Variants in KCNK9 observed in about 807,000 individuals in gnomAD.
KCNK9 encodes potassium channel subfamily K member 9.
KCNK9 carries 1 observed loss-of-function variant against 10.8 expected under a neutral mutation model. The observed-to-expected ratio is 0.09, with a 90% CI of 0.03 to 0.44. The LOEUF (loss-of-function observed/expected upper bound fraction) is 0.44. KCNK9 is among the 20% of genes least tolerant of loss of function. The probability of loss-of-function intolerance (pLI) is 0.97; values close to 1 mark genes in which losing one functional copy is unlikely to be tolerated. For synonymous variants in KCNK9, 231 were observed against 222.7 expected, an observed-to-expected ratio of 1.04 and a Z score of -0.33; for missense variants, 303 against 515.0, an observed-to-expected ratio of 0.59 and a Z score of 3.98.
At chr8:139,615,252 G>A (rs188279365), downstream of KCNK9, among the ~76,000 whole-genome samples, 416 of 148,542 alleles carry the variant, frequency 2.8e-3, 6 homozygotes, top group African/African-American at 9.7e-3. Context: ...ATAAGTGTTC[G>A]CCTTCTCTGA....
intron 1 of KCNK9, among the ~76,000 whole-genome samples, chr8:139,671,836 C>G (rs1299525728): frequency 6.6e-6 from 1 of 152,216 alleles, no homozygotes; most frequent in Non-Finnish European, 1.5e-5. Flanking sequence ...GCTGGGATTA[C>G]AGGTGTGAGC....
At chr8:139,614,642 G>T (rs190517357), downstream of KCNK9, among the ~76,000 whole-genome samples, 4 of 152,318 alleles carry the variant, frequency 2.6e-5, no homozygotes, top group East Asian at 7.7e-4. Flanking sequence ...AAAACCCAGA[G>T]GGGTTGGTTC....
chr8:139,680,729 C>T (rs1163312494), intron 1 of KCNK9, among the ~76,000 whole-genome samples: 1 of 152,114 alleles, frequency 6.6e-6, no homozygotes, highest in Admixed American at 6.5e-5. Flanking sequence ...GGAAACGGGG[C>T]CCAGAGAAGG....
At chr8:139,672,612 G>T (rs1490257339) in intron 1 of KCNK9, among the ~76,000 whole-genome samples, 1 of 152,198 alleles carries the variant, frequency 6.6e-6, no homozygotes, top group Non-Finnish European at 1.5e-5. Flanking sequence ...CCCCAGGGGA[G>T]CCTGTAGCAG....
At chr8:139,603,556 G>A (rs1226209777) in intron 2 of KCNK9, among the ~76,000 whole-genome samples, 1 of 152,192 alleles carries the variant, frequency 6.6e-6, no homozygotes, top group South Asian at 2.1e-4. Flanking sequence ...TAGGGGAAAG[G>A]CCTCTGAGTA....
At chr8:139,633,831 G>A (rs1252009277) in intron 1 of KCNK9, among the ~76,000 whole-genome samples, 2 of 152,230 alleles carry the variant, frequency 1.3e-5, no homozygotes, top group Admixed American at 6.5e-5. Flanking sequence ...CTGCGAGCGT[G>A]AAGACGACGA....
intron 1 of KCNK9, among the ~76,000 whole-genome samples, chr8:139,649,162 C>G (rs1815779188): frequency 6.6e-6 from 1 of 152,168 alleles, no homozygotes; most frequent in Non-Finnish European, 1.5e-5. Flanking sequence ...GCCAGAATTG[C>G]TCACTTTCAC....
chr8:139,653,494 C>A (rs1468052980), intron 1 of KCNK9, among the ~76,000 whole-genome samples: 6 of 151,822 alleles, frequency 4.0e-5, no homozygotes, highest in Non-Finnish European at 7.4e-5. Context: ...ACTCCCCCAA[C>A]AGAGACCTCC....
chr8:139,669,520 C>T (rs909807528), intron 1 of KCNK9, among the ~76,000 whole-genome samples: 4 of 152,214 alleles, frequency 2.6e-5, no homozygotes, highest in Admixed American at 6.5e-5. Context: ...CTTCACTCAT[C>T]CATAAGAAGG....
chr8:139,656,297 G>T (rs1586669133), intron 1 of KCNK9, among the ~76,000 whole-genome samples: 1 of 152,314 alleles, frequency 6.6e-6, no homozygotes, highest in East Asian at 1.9e-4. Flanking sequence ...AGCCCATCCA[G>T]CTGGGGCTCA....
intron 1 of KCNK9, among the ~76,000 whole-genome samples, chr8:139,665,569 T>C (rs1034057323): frequency 3.3e-5 from 5 of 152,214 alleles, no homozygotes; most frequent in South Asian, 2.1e-4. Context: ...GACACTATTC[T>C]GCCAACTGTT....
At chr8:139,640,852 G>C (rs139356403) in intron 1 of KCNK9, among the ~76,000 whole-genome samples, 1 of 152,258 alleles carries the variant, frequency 6.6e-6, no homozygotes, top group Admixed American at 6.5e-5. Flanking sequence ...GGTTGCAGAC[G>C]TCTTGAGCAT....
Position 139,618,386 on chromosome 8 carries a change from T to C in KCNK9, c.997A>G (p.Lys333Glu), listed in dbSNP as rs1563716847. The C allele has an allele frequency of 6.2e-7, 1 of 1,613,940 alleles. No individual in the cohort carries two copies. The highest frequency in any genetic ancestry group is 8.5e-7 in the Non-Finnish European group (1 of 1,179,962). ...GTGCTTGGTGAGATCTCCTCGATCTTGTAAGAGATGGAGTGGAAGTAGTGG... is the reference window on the plus strand; with the variant it reads ...GTGCTTGGTGAGATCTCCTCGATCTCGTAAGAGATGGAGTGGAAGTAGTGG... ...APHYFHSISY[K>E]IEEISPSTLK... Residue 333 changes from lysine (K) to glutamate (E), a missense_variant, in exon 2 of 2, where the codon AAG becomes GAG. Physicochemically the swap from Lys to Glu is moderately conservative, Grantham distance 56. Around this residue, in one of 5 missense-constraint regions of KCNK9, gnomAD observed 138 missense variants for 161.1 expected, o/e 0.86. Coordinates refer to ENST00000520439, the MANE Select transcript of KCNK9 (RefSeq NM_001282534.2). This position sits in a 1 kb window ranked among gnomAD's most constrained non-coding sequence, Gnocchi z 7.9.
chr8:139,671,428 G>A (rs1816422899), intron 1 of KCNK9, among the ~76,000 whole-genome samples: 1 of 152,234 alleles, frequency 6.6e-6, no homozygotes, highest in South Asian at 2.1e-4. Flanking sequence ...CCAGCAAGAG[G>A]CGGGAGGATG....
rs548898183 is a variant in KCNK9 at position 139,670,329 on chromosome 8, G to A, written c.283+32381C>T. On this transcript the variant is annotated intron_variant, in intron 1 of 1. Transcript: ENST00000520439. ...AGTGTGAGCATTACCAAAATGAGACGCAGAGACCCAAAGTGAGCACATGCT... is the reference window on the plus strand; with the variant it reads ...AGTGTGAGCATTACCAAAATGAGACACAGAGACCCAAAGTGAGCACATGCT... Among the ~76,000 whole-genome samples, 56 of 152,266 alleles carry A rather than the reference G, an allele frequency of 3.7e-4. 1 individual carries two copies. Among genetic ancestry groups the A allele is most frequent in the Admixed American group, 1.2e-3 (19 of 15,280 alleles).
chr8:139,611,730 C>T (rs1814431259), downstream of KCNK9: 1 of 152,292 alleles, frequency 6.6e-6, no homozygotes, highest in South Asian at 2.1e-4. Context: ...CACACTCCAC[C>T]CTGCCAGGCA....
chr8:139,669,974 G>T (rs1816390376), intron 1 of KCNK9, among the ~76,000 whole-genome samples: 1 of 152,196 alleles, frequency 6.6e-6, no homozygotes, highest in African/African-American at 2.4e-5. Context: ...GTGCTCTTGG[G>T]TGACAGGTGC....
intron 1 of KCNK9, among the ~76,000 whole-genome samples, chr8:139,658,079 T>C (rs894674337): frequency 6.6e-6 from 1 of 152,166 alleles, no homozygotes; most frequent in Non-Finnish European, 1.5e-5. Context: ...ATGAAACAGG[T>C]CATGGCATCC....
chr8:139,670,869 C>T (rs1816410955), intron 1 of KCNK9, among the ~76,000 whole-genome samples: 1 of 152,208 alleles, frequency 6.6e-6, no homozygotes, highest in African/African-American at 2.4e-5. Context: ...TCCCCAGCAG[C>T]ATCTTCTGCA....
Sources: gnomAD v4.1 joint callset for allele counts (sites outside exome capture counted in the v4.1 genomes callset) on GRCh38, gnomAD v4.1.1 for gene constraint, gnomAD v4.1.1 regional missense constraint, Gnocchi (gnomAD v3.1) non-coding constraint, MANE v1.5 for transcripts, NCBI Gene and HGNC (gene_info 2026-07-23, HGNC 2026-07-21) for gene names.